The following TEC variants were observed in gnomAD, a reference collection of about 807,000 sequenced individuals.
TEC encodes the protein tyrosine-protein kinase Tec.
A neutral mutation model predicts 93.0 loss-of-function variants in TEC; 72 were observed. The ratio of observed to expected loss-of-function variants is 0.77; its 90% CI spans 0.64 to 0.94. The LOEUF is 0.94. Among genes scored for constraint, TEC ranks in the 40% least tolerant of loss-of-function variants. The probability of loss-of-function intolerance (pLI) is 0.00; values close to 1 mark genes in which losing one functional copy is unlikely to be tolerated. For missense variants in TEC, 630 were observed against 757.9 expected (o/e 0.83, Z 1.98); for synonymous variants, 249 against 247.7 (o/e 1.01, Z -0.05).
intron 2 of TEC, among the ~76,000 whole-genome samples, chr4:48,198,684 ATC>A (rs1192223197): frequency 1.3e-5 from 2 of 152,190 alleles, no homozygotes; most frequent in African/African-American, 4.8e-5. Flanking sequence ...TCTCCTGTTA[ATC>A]TCTCTTTTGG....
intron 11 of TEC, among the ~76,000 whole-genome samples, chr4:48,149,339 A>G (rs17574399): frequency 2.0e-5 from 3 of 151,956 alleles, no homozygotes; most frequent in African/African-American, 7.3e-5. Context: ...CACTGGAATA[A>G]CTCATGTCCT....
chr4:48,168,803 A>G (rs1428614147), intron 5 of TEC, among the ~76,000 whole-genome samples, 177 bp from the exon 6 acceptor site: 3 of 152,216 alleles, frequency 2.0e-5, no homozygotes, highest in Admixed American at 6.5e-5. Flanking sequence ...AAAAACTGCT[A>G]TTATAGCTGG....
chr4:48,225,463 C>T (rs541161429), intron 2 of TEC, among the ~76,000 whole-genome samples: 27 of 152,320 alleles, frequency 1.8e-4, no homozygotes, highest in Non-Finnish European at 3.4e-4. Context: ...AGGCATGAGC[C>T]ACCACGACCG....
intron 2 of TEC, among the ~76,000 whole-genome samples, chr4:48,184,212 T>C (rs537914849): frequency 6.6e-6 from 1 of 152,182 alleles, no homozygotes; most frequent in South Asian, 2.1e-4. Context: ...ACATAGAGAG[T>C]ATAATTAACT....
intron 2 of TEC, among the ~76,000 whole-genome samples, chr4:48,226,898 AG>A (rs1723484414): frequency 6.6e-6 from 1 of 152,234 alleles, no homozygotes; most frequent in African/African-American, 2.4e-5. Flanking sequence ...TTCTGGTAAC[AG>A]TTCTTGTCTA....
intron 1 of TEC, among the ~76,000 whole-genome samples, chr4:48,248,503 G>A (rs1327557631): frequency 3.3e-5 from 5 of 152,178 alleles, no homozygotes; most frequent in Non-Finnish European, 1.5e-5. Context: ...CAAGCCCAGC[G>A]TCAGTACGGG....
At chr4:48,142,692 T>TAA (rs1719730196) in intron 14 of TEC, among the ~76,000 whole-genome samples, 1 of 152,146 alleles carries the variant, frequency 6.6e-6, no homozygotes, top group African/African-American at 2.4e-5. Context: ...TTTTAATTTT[T>TAA]TATTTTTGAA....
chr4:48,241,543 C>T (rs1166634518), intron 1 of TEC, among the ~76,000 whole-genome samples: 1 of 152,160 alleles, frequency 6.6e-6, no homozygotes, highest in Non-Finnish European at 1.5e-5. Flanking sequence ...AGTGAGAGAC[C>T]TTCAAATGAT....
intron 9 of TEC, among the ~76,000 whole-genome samples, chr4:48,155,262 C>T (rs1411338902): frequency 3.9e-5 from 6 of 152,172 alleles, no homozygotes; most frequent in African/African-American, 1.4e-4. Flanking sequence ...AAACAGAGGG[C>T]ATGTAAATCT....
intron 1 of TEC, among the ~76,000 whole-genome samples, chr4:48,253,293 C>A (rs1229313729): frequency 1.3e-5 from 2 of 152,130 alleles, no homozygotes; most frequent in African/African-American, 4.8e-5. Context: ...CATTCCTCTG[C>A]CCTTCTCCCT....
chr4:48,246,086 G>A (rs764641932), intron 1 of TEC, among the ~76,000 whole-genome samples: 33 of 152,208 alleles, frequency 2.2e-4, no homozygotes, highest in Middle Eastern at 3.4e-3. Context: ...TCCAGCCTGC[G>A]TAACAAGAGT....
chr4:48,263,650 T>A (rs927809310), intron 1 of TEC, among the ~76,000 whole-genome samples: 2 of 151,898 alleles, frequency 1.3e-5, no homozygotes, highest in Admixed American at 1.3e-4. Flanking sequence ...GGAGCTGAGA[T>A]CATGCCACTG....
At chr4:48,260,159 C>A (rs1164203136) in intron 1 of TEC, among the ~76,000 whole-genome samples, 1 of 152,210 alleles carries the variant, frequency 6.6e-6, no homozygotes, top group East Asian at 1.9e-4. Context: ...ATAACATGGC[C>A]TCAAGCATTC....
intron 2 of TEC, among the ~76,000 whole-genome samples, chr4:48,221,309 G>T (rs1205352639): frequency 6.6e-6 from 1 of 152,164 alleles, no homozygotes; most frequent in Non-Finnish European, 1.5e-5. Flanking sequence ...AATCCTGGGG[G>T]CGGTTACCCC....
At chr4:48,268,825 T>G (rs950290540) in intron 1 of TEC, among the ~76,000 whole-genome samples, 1 of 152,278 alleles carries the variant, frequency 6.6e-6, no homozygotes, top group Non-Finnish European at 1.5e-5. Context: ...CCAGCCATCC[T>G]GTTGTTCCAA....
At chr4:48,204,034 A>G (rs541385119) in intron 2 of TEC, among the ~76,000 whole-genome samples, 2 of 152,282 alleles carry the variant, frequency 1.3e-5, no homozygotes, top group South Asian at 2.1e-4. Flanking sequence ...TTGCTTTCCT[A>G]TATTTGCATT....
At chr4:48,160,267 T>C (rs1431208461) in intron 8 of TEC, among the ~76,000 whole-genome samples, 2 of 152,204 alleles carry the variant, frequency 1.3e-5, no homozygotes, top group African/African-American at 4.8e-5. Flanking sequence ...ATTGACCTTT[T>C]AAAGATGAGA....
At chr4:48,156,578 A>G in intron 9 of TEC, 102 bp downstream of exon 9, 1 of 1,000,352 alleles carries the variant, frequency 1.0e-6, no homozygotes. Flanking sequence ...AGACTTGCTC[A>G]CTGCTGAACA....
chr4:48,252,389 A>G (rs899717403), intron 1 of TEC, among the ~76,000 whole-genome samples: 1 of 150,830 alleles, frequency 6.6e-6, no homozygotes, highest in African/African-American at 2.4e-5. Context: ...AGTCTGCTTA[A>G]TTTTTTTTTT....
Sources: gnomAD v4.1 joint callset for allele counts (sites outside exome capture counted in the v4.1 genomes callset) on GRCh38, gnomAD v4.1.1 for gene constraint, MANE v1.5 for transcripts, NCBI Gene and HGNC (gene_info 2026-07-23, HGNC 2026-07-21) for gene names.